The following TPTE2 variants were observed in gnomAD, a reference collection of about 807,000 sequenced individuals.
The protein encoded by TPTE2 is transmembrane phosphoinositide 3-phosphatase and tensin homolog 2.
Under a neutral mutation model 78.6 loss-of-function variants are expected in TPTE2, and 53 were observed. That is an observed-to-expected ratio of 0.67 (90% CI 0.54 to 0.85). TPTE2 has a LOEUF of 0.85. TPTE2 is among the 40% of genes least tolerant of loss of function. The probability of loss-of-function intolerance (pLI) is 0.00; values close to 1 mark genes in which losing one functional copy is unlikely to be tolerated. For missense variants in TPTE2, 461 were observed against 623.0 expected, an observed-to-expected ratio of 0.74 and a Z score of 2.77; for synonymous variants, 175 against 206.2, an observed-to-expected ratio of 0.85 and a Z score of 1.30.
chr13:19,473,862 T>C, intron 6 of TPTE2, 52 bp downstream of exon 9: 1 of 1,475,800 alleles, frequency 6.8e-7, no homozygotes, highest in South Asian at 1.4e-5. Context: ...CCAAAGTGCT[T>C]CTTATAAAAG....
At chr13:19,545,930 C>A in the TPTE2 span, among the ~76,000 whole-genome samples, 1 of 152,164 alleles carries the variant, frequency 6.6e-6, no homozygotes, top group East Asian at 1.9e-4. Context: ...GTTATCTCAG[C>A]ACTTTGGGAG....
At chr13:19,460,325 C>T (rs1481449440) in intron 10 of TPTE2, among the ~76,000 whole-genome samples, 9 of 152,214 alleles carry the variant, frequency 5.9e-5, no homozygotes, top group Admixed American at 1.3e-4. Context: ...CTCCATGCCG[C>T]CCCCGGCTGG....
intron 16 of TPTE2, among the ~76,000 whole-genome samples, chr13:19,431,290 T>G (rs1469111306): frequency 6.6e-6 from 1 of 152,168 alleles, no homozygotes; most frequent in African/African-American, 2.4e-5. Flanking sequence ...CAGTTCCTGA[T>G]GCAATCTCTA....
chr13:19,509,380 A>G (rs1869280904), intron 1 of TPTE2, among the ~76,000 whole-genome samples: 1 of 152,182 alleles, frequency 6.6e-6, no homozygotes, highest in Non-Finnish European at 1.5e-5. Flanking sequence ...ACCTGTGGCA[A>G]TAATAATCAA....
chr13:19,545,579 T>A, the TPTE2 span, among the ~76,000 whole-genome samples: 1 of 152,134 alleles, frequency 6.6e-6, no homozygotes, highest in African/African-American at 2.4e-5. Flanking sequence ...TCAAGTCAGG[T>A]GGCTGGAAGA....
intron 6 of TPTE2, among the ~76,000 whole-genome samples, chr13:19,470,535 A>T (rs1450771186): frequency 2.7e-5 from 4 of 150,754 alleles, no homozygotes; most frequent in African/African-American, 9.8e-5. Context: ...TTTTATTTTT[A>T]TTTTTTTTGA....
At chr13:19,450,121 G>C (rs535593272) in exon 13 of TPTE2, 3 of 1,611,296 alleles carry the variant, frequency 1.9e-6, no homozygotes, top group African/African-American at 2.7e-5. Context: ...TCAAGATCTT[G>C]AGCCATCCAC....
At chr13:19,512,036 T>C (rs1176725445) in intron 1 of TPTE2, among the ~76,000 whole-genome samples, 2 of 152,192 alleles carry the variant, frequency 1.3e-5, no homozygotes, top group African/African-American at 2.4e-5. Flanking sequence ...AGAAACTGAA[T>C]AATATTTACT....
chr13:19,493,650 T>G, intron 1 of TPTE2, 149 bp from the exon 5 acceptor site: 1 of 767,566 alleles, frequency 1.3e-6, no homozygotes, highest in Non-Finnish European at 2.3e-6. Context: ...AATGTCTATT[T>G]TTCTTTATTA....
the TPTE2 span, among the ~76,000 whole-genome samples, chr13:19,544,060 C>CAAAAAAAAAAAAAAAAAA: frequency 2.2e-4 from 7 of 31,984 alleles, no homozygotes; most frequent in Admixed American, 6.6e-4. Context: ...GAACCTGTCT[C>CAAAAAAAAAAAAAAAAAA]AAAAAAAAAA....
At chr13:19,480,156 C>T (rs1009356300) in intron 4 of TPTE2, among the ~76,000 whole-genome samples, 4 of 152,014 alleles carry the variant, frequency 2.6e-5, no homozygotes, top group African/African-American at 9.7e-5. Flanking sequence ...GTATTGAAGG[C>T]AGGTGCTATC....
the TPTE2 span, among the ~76,000 whole-genome samples, chr13:19,545,069 G>A: frequency 2.6e-5 from 4 of 151,550 alleles, no homozygotes; most frequent in African/African-American, 9.7e-5. Flanking sequence ...CCAGAAAAGA[G>A]GAAAAAGTAC....
chr13:19,497,762 C>T (rs1188866060), intron 1 of TPTE2, among the ~76,000 whole-genome samples: 11 of 151,504 alleles, frequency 7.3e-5, no homozygotes, highest in East Asian at 5.8e-4. Flanking sequence ...TCCAAAGGAA[C>T]GCAGTTCCTC....
At chr13:19,464,863 A>G (rs1390613549) in intron 9 of TPTE2, among the ~76,000 whole-genome samples, 1 of 151,996 alleles carries the variant, frequency 6.6e-6, no homozygotes, top group South Asian at 2.1e-4. Flanking sequence ...GACGGTGGGA[A>G]CTCCCAAGGT....
intron 3 of TPTE2, among the ~76,000 whole-genome samples, chr13:19,485,793 C>T (rs1880630646): frequency 6.6e-6 from 1 of 151,870 alleles, no homozygotes; most frequent in African/African-American, 2.4e-5. Context: ...ATTTCTTCTG[C>T]TTGTTCTTGT....
the TPTE2 span, among the ~76,000 whole-genome samples, chr13:19,551,171 A>C: frequency 6.6e-6 from 1 of 152,226 alleles, no homozygotes; most frequent in Admixed American, 6.5e-5. Flanking sequence ...AGGTTGGTAC[A>C]ACTTAAAAAG....
rs1379577748 is a variant in TPTE2, at chr13:19,501,545, ATG to A, written c.11+1677_11+1678del. 3.3e-5 allele frequency among the ~76,000 whole-genome samples: 5 copies of A among 150,092 alleles called. 1 individual carries two copies. Among genetic ancestry groups the A allele is most frequent in the African/African-American group, 9.8e-5 (4 of 40,726 alleles). ...TTGACAAACCTGAGAAAAACAAGCA[ATG>A]GGGAAAGGATTCCCTATTTAATAAA... On this transcript the variant is annotated intron_variant, in intron 1 of 19. Coordinates refer to ENST00000400230, the Ensembl canonical transcript of TPTE2.
At chr13:19,538,515 C>T (rs1464091002), upstream of TPTE2, among the ~76,000 whole-genome samples, 2 of 151,622 alleles carry the variant, frequency 1.3e-5, no homozygotes, top group Non-Finnish European at 2.9e-5. Flanking sequence ...CCACCACGCC[C>T]AGCCTTTTTT....
intron 13 of TPTE2, among the ~76,000 whole-genome samples, chr13:19,443,654 C>G (rs543325805): frequency 8.6e-5 from 13 of 151,932 alleles, no homozygotes; most frequent in Admixed American, 3.3e-4. Context: ...TCTGACCCCA[C>G]TGGGCCTCCC....
Sources: allele counts gnomAD v4.1 joint callset (sites outside exome capture counted in the v4.1 genomes callset), GRCh38; gene constraint gnomAD v4.1.1; transcripts MANE v1.5; gene names NCBI Gene and HGNC (gene_info 2026-07-23, HGNC 2026-07-21).